TFDP2: variants seen among roughly 807,000 people sequenced by gnomAD.
The protein encoded by TFDP2 is transcription factor Dp-2, also known as transcription factor Dp-2 (E2F dimerization partner 2).
A neutral mutation model predicts 59.3 loss-of-function variants in TFDP2; 17 were observed. The ratio of observed to expected loss-of-function variants is 0.29; its 90% CI spans 0.20 to 0.43. TFDP2 has a LOEUF of 0.43. TFDP2 is among the 20% of genes least tolerant of loss of function. The probability of loss-of-function intolerance (pLI) is 1.00; values close to 1 mark genes in which losing one functional copy is unlikely to be tolerated. For missense variants in TFDP2, 391 were observed against 528.8 expected, an observed-to-expected ratio of 0.74 and a Z score of 2.56; for synonymous variants, 180 against 194.7, an observed-to-expected ratio of 0.92 and a Z score of 0.63.
intron 1 of TFDP2, 114 bp downstream of exon 1, chr3:142,149,069 C>T: frequency 5.1e-6 from 2 of 394,184 alleles, no homozygotes; most frequent in Non-Finnish European, 8.9e-6. Flanking sequence ...AGATGGGACT[C>T]GTGGGGGAAC....
chr3:141,997,753 G>C (rs1428197357), intron 4 of TFDP2, among the ~76,000 whole-genome samples: 1 of 149,900 alleles, frequency 6.7e-6, no homozygotes, highest in East Asian at 2.0e-4. Context: ...GGAAGGCTGA[G>C]GCAGGACAAT....
intron 2 of TFDP2, among the ~76,000 whole-genome samples, chr3:142,094,133 C>A (rs992751880): frequency 7.2e-5 from 11 of 151,956 alleles, no homozygotes; most frequent in Non-Finnish European, 1.3e-4. Context: ...GGAAAAAAAA[C>A]CCTCAATTTT....
At chr3:142,066,177 C>A (rs1052144593) in intron 3 of TFDP2, among the ~76,000 whole-genome samples, 3 of 152,186 alleles carry the variant, frequency 2.0e-5, no homozygotes, top group Admixed American at 6.5e-5. Context: ...ACTCTGAATT[C>A]CTTTTGCTCC....
chr3:142,090,667 T>C (rs1195963535), intron 3 of TFDP2: 1 of 152,056 alleles, frequency 6.6e-6, no homozygotes, highest in African/African-American at 2.4e-5. Flanking sequence ...TTCAAGTGAT[T>C]CTCTTGCCTC....
intron 4 of TFDP2, among the ~76,000 whole-genome samples, chr3:142,002,031 G>A (rs577741353): frequency 7.2e-6 from 1 of 138,004 alleles, no homozygotes; most frequent in South Asian, 2.2e-4. Flanking sequence ...GTCTCGCTCT[G>A]TTGCCCAGGC....
chr3:142,136,872 G>A lies in TFDP2; in HGVS notation c.-93+12311C>T, dbSNP rs145150946. Among the ~76,000 whole-genome samples, 517 of 152,100 alleles carry A rather than the reference G, an allele frequency of 3.4e-3. 4 individuals carry two copies. Among genetic ancestry groups the A allele is most frequent in the Non-Finnish European group, 5.7e-3 (390 of 68,018 alleles). ...GCTTAGGATTGTCTTGGCAATGTGG[G>A]CTCTTTTTTGCTTCCATATGAACTT... On this transcript the variant is annotated intron_variant, in intron 1 of 12. Coordinates refer to ENST00000489671, the MANE Select transcript of TFDP2 (RefSeq NM_001178139.2).
At chr3:142,001,478 G>A (rs891241447) in intron 4 of TFDP2, among the ~76,000 whole-genome samples, 1 of 152,094 alleles carries the variant, frequency 6.6e-6, no homozygotes, top group Admixed American at 6.5e-5. Context: ...AGCAGCACCG[G>A]TAATCACTGA....
intron 3 of TFDP2, among the ~76,000 whole-genome samples, chr3:142,010,357 T>C (rs953644912): frequency 7.9e-5 from 12 of 152,164 alleles, no homozygotes; most frequent in Non-Finnish European, 1.2e-4. Flanking sequence ...ACACCTGTAA[T>C]CCCAGCACTT....
At chr3:142,105,186 A>C (rs1180912040) in intron 1 of TFDP2, among the ~76,000 whole-genome samples, 1 of 152,206 alleles carries the variant, frequency 6.6e-6, no homozygotes, top group Non-Finnish European at 1.5e-5. Context: ...ATAACAAAAA[A>C]ACTACTAAGT....
chr3:141,977,711 A>G (rs1018978859), intron 7 of TFDP2, among the ~76,000 whole-genome samples: 1 of 150,300 alleles, frequency 6.7e-6, no homozygotes, highest in Non-Finnish European at 1.5e-5. Context: ...ATAGGCGACC[A>G]ATTTTTTTTT....
At chr3:142,066,723 C>T (rs1397307328) in intron 3 of TFDP2, among the ~76,000 whole-genome samples, 1 of 152,092 alleles carries the variant, frequency 6.6e-6, no homozygotes, top group African/African-American at 2.4e-5. Flanking sequence ...GGACCCCAGA[C>T]TCATCTCTAA....
chr3:142,119,849 G>A (rs1249361412), intron 1 of TFDP2, among the ~76,000 whole-genome samples: 2 of 152,090 alleles, frequency 1.3e-5, no homozygotes, highest in African/African-American at 2.4e-5. Flanking sequence ...AGGAGTTCAA[G>A]ACAAGCCTGG....
chr3:141,952,072 A>G lies in TFDP2; in HGVS notation c.*441T>C, dbSNP rs1374865542. On this transcript the variant is annotated 3_prime_UTR_variant, in exon 13 of 13. Transcript: ENST00000489671. ...CCTCTCCTGGGGACTTTTCATGTTC[A>G]TTTCTGCCTTGTCAAAGGCAGTCCA... 1 of 153,628 alleles carries G rather than the reference A, an allele frequency of 6.5e-6. No individual in the cohort carries two copies. The highest frequency in any genetic ancestry group is 1.4e-5 in the Non-Finnish European group (1 of 68,966). The allele number at this position is 153,628 out of a possible 1,614,324, so 9.5% of individuals were successfully genotyped here. A position where few individuals can be genotyped will look rare whatever the true frequency, so the allele number is the denominator to read the frequency against.
chr3:142,101,569 A>G lies in TFDP2; in HGVS notation c.15+166T>C, dbSNP rs527851351. Among the ~76,000 whole-genome samples, 368 of 152,316 alleles carry G rather than the reference A, an allele frequency of 2.4e-3. 3 individuals carry two copies. The highest frequency in any genetic ancestry group is 6.8e-3 in the Middle Eastern group (2 of 294). On this transcript the variant is annotated intron_variant, in intron 2 of 12. Coordinates refer to ENST00000489671, the MANE Select transcript of TFDP2 (RefSeq NM_001178139.2). ...CTATCTCCATTAGGGCACCATATTC[A>G]ATCGCATTAAAGCTTATCTCATATT... is the stretch of plus-strand genomic sequence containing the variant.
At chr3:141,961,006 T>C (rs1344747771) in intron 10 of TFDP2, among the ~76,000 whole-genome samples, 13 of 152,152 alleles carry the variant, frequency 8.5e-5, no homozygotes, top group Non-Finnish European at 8.8e-5. Context: ...ACCCAAGAGA[T>C]GGAAGCCTCA....
intron 2 of TFDP2, among the ~76,000 whole-genome samples, chr3:142,094,391 G>A (rs192840260): frequency 9.4e-5 from 14 of 149,596 alleles, no homozygotes; most frequent in Non-Finnish European, 1.8e-4. Flanking sequence ...TGCAACCTCC[G>A]CCTCCCGGGT....
intron 3 of TFDP2, among the ~76,000 whole-genome samples, chr3:142,019,355 C>T (rs1325196923): frequency 2.0e-5 from 3 of 152,076 alleles, no homozygotes; most frequent in Non-Finnish European, 2.9e-5. Context: ...TGAGCCACTG[C>T]GCCCGGCCTA....
chr3:141,961,248 T>G (rs1037905991), intron 10 of TFDP2, among the ~76,000 whole-genome samples: 4 of 143,280 alleles, frequency 2.8e-5, no homozygotes, highest in East Asian at 2.0e-4. Context: ...TTTTTTTTTT[T>G]TTTTTTTTTT....
intron 3 of TFDP2, among the ~76,000 whole-genome samples, chr3:142,024,856 C>G (rs1160931960): frequency 6.6e-6 from 1 of 151,960 alleles, no homozygotes; most frequent in African/African-American, 2.4e-5. Flanking sequence ...CCCGTTTCTA[C>G]TAAAAATACA....
Sources: gnomAD v4.1 joint callset for allele counts (sites outside exome capture counted in the v4.1 genomes callset) on GRCh38, gnomAD v4.1.1 for gene constraint, MANE v1.5 for transcripts, NCBI Gene and HGNC (gene_info 2026-07-23, HGNC 2026-07-21) for gene names.